Variants in MOB3B observed in about 807,000 individuals in gnomAD.
The protein encoded by MOB3B is MOB kinase activator-like 2B.
In MOB3B, 7 loss-of-function variants were observed where a neutral mutation model predicts 18.7. The ratio of observed to expected loss-of-function variants is 0.37; its 90% confidence interval spans 0.21 to 0.70. The LOEUF (loss-of-function observed/expected upper bound fraction) is 0.70, where lower values mean the gene tolerates loss of function less well. MOB3B is among the 30% of genes least tolerant of loss of function. The probability of loss-of-function intolerance (pLI) is 0.52; values close to 1 mark genes in which losing one functional copy is unlikely to be tolerated. For missense variants in MOB3B, 253 were observed against 281.3 expected (o/e 0.90, Z 0.72); for synonymous variants, 111 against 99.9 (o/e 1.11, Z -0.66).
At chr9:27,390,746 C>T (rs918511603) in intron 2 of MOB3B, among the ~76,000 whole-genome samples, 3 of 152,076 alleles carry the variant, frequency 2.0e-5, no homozygotes, top group Admixed American at 6.5e-5. Context: ...GTTTGAGTCC[C>T]CCCAAAATTT....
intron 3 of MOB3B, among the ~76,000 whole-genome samples, chr9:27,350,987 C>T (rs571008032): frequency 1.0e-3 from 158 of 151,890 alleles, no homozygotes; most frequent in African/African-American, 3.6e-3. Flanking sequence ...ACTGCAACCT[C>T]CGCCTCCTGG....
chr9:27,455,484 G>T lies in MOB3B; in HGVS notation c.67C>A (p.Pro23Thr). Residue 23 changes from proline (P) to threonine (T), a missense_variant, in exon 2 of 4, where the codon CCT becomes ACT. By Grantham distance (38) the Pro-to-Thr change is conservative. Coordinates refer to ENST00000262244, the MANE Select transcript of MOB3B (RefSeq NM_024761.5). ...TGCAGCTCAAACCTCTGTGTGCCAGGTTCAAATTTCCTCTTGGGTCGGAAG... is the reference window on the plus strand; with the variant it reads ...TGCAGCTCAAACCTCTGTGTGCCAGTTTCAAATTTCCTCTTGGGTCGGAAG... The part of the protein sequence containing the change: ...KTFRPKRKFE[P>T]GTQRFELHKR... 1 of 1,614,216 alleles carries T rather than the reference G, an allele frequency of 6.2e-7. No homozygotes were observed. The highest frequency in any genetic ancestry group is 8.5e-7 in the Non-Finnish European group (1 of 1,180,036).
At chr9:27,492,155 G>A (rs1009015992) in intron 1 of MOB3B, among the ~76,000 whole-genome samples, 5 of 152,296 alleles carry the variant, frequency 3.3e-5, no homozygotes, top group African/African-American at 1.2e-4. Flanking sequence ...TATGAGGAAG[G>A]AGAAAGTTGT....
chr9:27,343,565 G>C (rs1820987838), intron 3 of MOB3B, among the ~76,000 whole-genome samples: 1 of 150,030 alleles, frequency 6.7e-6, no homozygotes, highest in African/African-American at 2.5e-5. Flanking sequence ...CTTATTCTCA[G>C]ACTCCCAGTG....
chr9:27,483,125 C>CTTTTTT lies in MOB3B; in HGVS notation c.-198-27383_-198-27378dup, dbSNP rs71492747. The stretch of plus-strand genomic sequence containing the variant: ...AGTAAATGTCTACAAATATACGGTA[C>CTTTTTT]TTTTTTTTTTTTTTTTTTTTTTTTT... On this transcript the variant is annotated intron_variant, in intron 1 of 3. Coordinates refer to ENST00000262244, the MANE Select transcript of MOB3B (RefSeq NM_024761.5). Among the ~76,000 whole-genome samples the CTTTTTT allele has an allele frequency of 1.2e-3, 79 of 68,590 alleles. 3 individuals are homozygous for CTTTTTT. The highest frequency in any genetic ancestry group is 1.4e-3 in the East Asian group (3 of 2,120). The allele number at this position is 68,590 out of a possible 152,430, so 45.0% of individuals were successfully genotyped here. A position where few individuals can be genotyped will look rare whatever the true frequency, so the allele number is the denominator to read the frequency against.
At chr9:27,375,233 G>C (rs891530236) in intron 2 of MOB3B, among the ~76,000 whole-genome samples, 1 of 152,172 alleles carries the variant, frequency 6.6e-6, no homozygotes, top group Non-Finnish European at 1.5e-5. Flanking sequence ...CAGCTTCTTT[G>C]TTCTCCCAGC....
rs766456090 is a variant in MOB3B at position 27,357,694 on chromosome 9, G to A, written c.621+1340C>T. ...GTGGCATGGCTCTTTCTCTTGGGAT[G>A]AGTATAACAAATTCTCTTTTCAATG... On this transcript the variant is annotated intron_variant, in intron 3 of 3. Coordinates refer to ENST00000262244, the MANE Select transcript of MOB3B (RefSeq NM_024761.5). Among the ~76,000 whole-genome samples the A allele has an allele frequency of 9.2e-5, 14 of 151,844 alleles. No homozygotes were observed. In the South Asian group the frequency reaches 1.0e-3, roughly 11 times the overall value.
Position 27,475,256 on chromosome 9 carries a change from C to T in MOB3B, c.-198-19508G>A, listed in dbSNP as rs553052997. On this transcript the variant is annotated intron_variant, in intron 1 of 3. Coordinates refer to ENST00000262244, the MANE Select transcript of MOB3B (RefSeq NM_024761.5). ...AATGACCACTGAGTAAGCTCCGAGG[C>T]GGCTCCTTCCCAGTCAAACCTTGAT... Among the ~76,000 whole-genome samples, 3 of 152,248 alleles carry T rather than the reference C, an allele frequency of 2.0e-5. No individual in the cohort carries two copies. In the South Asian group the frequency reaches 6.2e-4, roughly 32 times the overall value.
intron 1 of MOB3B, among the ~76,000 whole-genome samples, chr9:27,520,902 T>C (rs1232194933): frequency 2.6e-5 from 4 of 152,242 alleles, no homozygotes; most frequent in African/African-American, 9.6e-5. Context: ...AATGACTTTT[T>C]AGTAGGTATG....
intron 1 of MOB3B, among the ~76,000 whole-genome samples, chr9:27,507,960 T>G (rs138612376): frequency 5.2e-4 from 79 of 152,326 alleles, no homozygotes; most frequent in African/African-American, 1.7e-3. Flanking sequence ...GAAATGGATT[T>G]AGCACACAGA....
At chr9:27,352,457 G>T (rs1025610076) in intron 3 of MOB3B, among the ~76,000 whole-genome samples, 1 of 151,816 alleles carries the variant, frequency 6.6e-6, no homozygotes, top group Admixed American at 6.6e-5. Flanking sequence ...TGGAACTGAA[G>T]AAATGAAGTT....
intron 1 of MOB3B, among the ~76,000 whole-genome samples, chr9:27,520,935 C>T (rs1278696471): frequency 6.6e-6 from 1 of 152,178 alleles, no homozygotes; most frequent in Non-Finnish European, 1.5e-5. Flanking sequence ...CATGAGTGTT[C>T]TATATTTTTA....
chr9:27,524,385 C>T (rs1223161552), intron 1 of MOB3B: 2 of 1,613,728 alleles, frequency 1.2e-6, no homozygotes, highest in Non-Finnish European at 8.5e-7. Flanking sequence ...GCTTGAGATC[C>T]TTATGGGTAT....
chr9:27,358,838 C>T (rs778479372), intron 3 of MOB3B, 196 bp downstream of exon 3: 8 of 756,936 alleles, frequency 1.1e-5, no homozygotes, highest in Admixed American at 5.1e-5. Context: ...AGGGTAATCT[C>T]GGACACTTAT....
At chr9:27,455,081 T>G in intron 2 of MOB3B, 52 bp downstream of exon 2, 1 of 1,601,948 alleles carries the variant, frequency 6.2e-7, no homozygotes, top group Non-Finnish European at 8.5e-7. Flanking sequence ...CAAATTTTCA[T>G]AGTGAAGATT....
chr9:27,405,528 G>A (rs538926991), intron 2 of MOB3B, among the ~76,000 whole-genome samples: 2 of 152,078 alleles, frequency 1.3e-5, no homozygotes, highest in East Asian at 1.9e-4. Flanking sequence ...CCATTCTGTG[G>A]GCTGTCTCTT....
At chr9:27,473,251 A>C (rs1037260902) in intron 1 of MOB3B, among the ~76,000 whole-genome samples, 2 of 152,212 alleles carry the variant, frequency 1.3e-5, no homozygotes, top group African/African-American at 4.8e-5. Flanking sequence ...TCCTGAATAA[A>C]GTACACGTTT....
chr9:27,529,716 G>A lies in MOB3B; in HGVS notation c.-360C>T, dbSNP rs1044901602. ...TGCGCGAGGTCCCGGCGAGCCAACCGGCGGACGGGCGAGCGCCTGGCTCCA... is the reference window on the plus strand; with the variant it reads ...TGCGCGAGGTCCCGGCGAGCCAACCAGCGGACGGGCGAGCGCCTGGCTCCA... On this transcript the variant is annotated 5_prime_UTR_variant, in exon 1 of 4. Coordinates refer to ENST00000262244, the MANE Select transcript of MOB3B (RefSeq NM_024761.5). 2.0e-6 allele frequency: 2 copies of A among 985,428 alleles called. No homozygotes were observed. Among genetic ancestry groups the A allele is most frequent in the African/African-American group, 3.5e-5 (2 of 57,366 alleles). The allele number at this position is 985,428 out of a possible 1,614,324, so 61.0% of individuals were successfully genotyped here. A position where few individuals can be genotyped will look rare whatever the true frequency, so the allele number is the denominator to read the frequency against.
At chr9:27,443,645 A>G (rs886319077) in intron 2 of MOB3B, among the ~76,000 whole-genome samples, 4 of 152,172 alleles carry the variant, frequency 2.6e-5, no homozygotes, top group Non-Finnish European at 5.9e-5. Context: ...CAATTTCTTA[A>G]TCATCTTAGA....
Sources: allele counts gnomAD v4.1 joint callset (sites outside exome capture counted in the v4.1 genomes callset), GRCh38; gene constraint gnomAD v4.1.1; transcripts MANE v1.5; gene names NCBI Gene and HGNC (gene_info 2026-07-23, HGNC 2026-07-21).